The following ADK variants were observed in gnomAD, a reference collection of about 807,000 sequenced individuals.
ADK encodes N6,N6-dimethyladenosine kinase.
A neutral mutation model predicts 44.7 loss-of-function variants in ADK; 24 were observed. That is an observed-to-expected ratio of 0.54 (90% CI 0.39 to 0.76). The LOEUF is 0.76. Among genes scored for constraint, ADK ranks in the 30% least tolerant of loss-of-function variants. The pLI is 0.00. For synonymous variants in ADK, 128 were observed against 142.6 expected, an observed-to-expected ratio of 0.90 and a Z score of 0.73; for missense variants, 321 against 425.1, an observed-to-expected ratio of 0.76 and a Z score of 2.15.
intron 1 of ADK, among the ~76,000 whole-genome samples, chr10:74,185,404 A>G (rs1199456679): frequency 2.6e-5 from 4 of 152,156 alleles, no homozygotes; most frequent in Non-Finnish European, 4.4e-5. Flanking sequence ...GGAAGAAATC[A>G]ATGTTGAGTA....
At chr10:74,219,871 T>G (rs1033543763) in intron 2 of ADK, among the ~76,000 whole-genome samples, 2 of 149,678 alleles carry the variant, frequency 1.3e-5, no homozygotes, top group Non-Finnish European at 1.5e-5. Flanking sequence ...TTCAAAATAG[T>G]GTGTAGAGGG....
chr10:74,577,015 C>T lies in ADK; in HGVS notation c.727-12267C>T, dbSNP rs112627250. On this transcript the variant is annotated intron_variant, in intron 7 of 10. Transcript: ENST00000539909. Reference sequence around the variant, plus strand: ...CAGAAGTATTCAGTATCTCTTAAAACCTGTTTCTTTTCCATATAGCAGTGG... The same window carrying T: ...CAGAAGTATTCAGTATCTCTTAAAATCTGTTTCTTTTCCATATAGCAGTGG... 7.1e-3 allele frequency among the ~76,000 whole-genome samples: 1,084 copies of T among 151,816 alleles called. 7 individuals carry two copies. Among genetic ancestry groups the T allele is most frequent in the Non-Finnish European group, 0.012 (811 of 67,900 alleles).
At chr10:74,543,675 A>T (rs1849727684) in intron 7 of ADK, among the ~76,000 whole-genome samples, 1 of 152,222 alleles carries the variant, frequency 6.6e-6, no homozygotes, top group African/African-American at 2.4e-5. Context: ...GGGTTATTTT[A>T]ATATTTGGTT....
chr10:74,588,896 A>G (rs866212770), intron 7 of ADK, among the ~76,000 whole-genome samples: 3 of 152,196 alleles, frequency 2.0e-5, no homozygotes, highest in African/African-American at 7.2e-5. Flanking sequence ...GAATTTATAC[A>G]TTTATTAGCA....
intron 3 of ADK, among the ~76,000 whole-genome samples, chr10:74,263,477 A>G (rs1846113134): frequency 6.6e-6 from 1 of 152,224 alleles, no homozygotes; most frequent in South Asian, 2.1e-4. Context: ...TGTAGAACAA[A>G]CTAGCAGTAC....
chr10:74,594,401 TA>T (rs76747860), intron 8 of ADK, among the ~76,000 whole-genome samples: 25,580 of 147,204 alleles, frequency 0.17, 3,534 homozygotes, highest in East Asian at 0.63. Flanking sequence ...ACAGAAGAAA[TA>T]AAAAAAAAAT....
At chr10:74,531,986 C>CCA (rs1395254266) in intron 7 of ADK, among the ~76,000 whole-genome samples, 2 of 152,128 alleles carry the variant, frequency 1.3e-5, no homozygotes, top group Non-Finnish European at 2.9e-5. Context: ...AAACTACAGA[C>CCA]CAATATCCCT....
At chr10:74,636,580 T>A (rs1169849369) in intron 9 of ADK, among the ~76,000 whole-genome samples, 2 of 152,234 alleles carry the variant, frequency 1.3e-5, no homozygotes, top group Non-Finnish European at 2.9e-5. Flanking sequence ...GAGAGCCTAC[T>A]ATGTTCTATG....
intron 3 of ADK, among the ~76,000 whole-genome samples, chr10:74,230,974 G>A (rs1165384035): frequency 6.6e-6 from 1 of 152,030 alleles, no homozygotes; most frequent in African/African-American, 2.4e-5. Context: ...GAGCCACCGC[G>A]CCTGGCCGCC....
chr10:74,689,460 A>T (rs1163719406), intron 10 of ADK, among the ~76,000 whole-genome samples: 1 of 152,130 alleles, frequency 6.6e-6, no homozygotes, highest in Non-Finnish European at 1.5e-5. Flanking sequence ...TCCAGTCAAG[A>T]TTTCATAAAA....
chr10:74,538,255 C>CAAA (rs535509115), intron 7 of ADK, among the ~76,000 whole-genome samples: 7 of 85,252 alleles, frequency 8.2e-5, no homozygotes, highest in African/African-American at 2.7e-4. Flanking sequence ...CTCCGTCTCA[C>CAAA]AAAAAAAAAA....
intron 9 of ADK, among the ~76,000 whole-genome samples, chr10:74,668,064 G>T (rs988976805): frequency 1.3e-5 from 2 of 152,078 alleles, no homozygotes; most frequent in African/African-American, 4.8e-5. Context: ...AGACATGTTA[G>T]ATTATTACAT....
intron 6 of ADK, among the ~76,000 whole-genome samples, chr10:74,411,219 A>T (rs2132951163): frequency 6.6e-6 from 1 of 152,106 alleles, no homozygotes; most frequent in Admixed American, 6.5e-5. Flanking sequence ...ACAGAGAATA[A>T]AATGAAAAAA....
At chr10:74,705,076 A>C (rs771818946) in intron 10 of ADK, among the ~76,000 whole-genome samples, 48 of 152,228 alleles carry the variant, frequency 3.2e-4, no homozygotes, top group Non-Finnish European at 6.9e-4. Flanking sequence ...GCATTCCCCA[A>C]ATCTGACTGG....
At chr10:74,484,729 G>C (rs184303906) in intron 6 of ADK, among the ~76,000 whole-genome samples, 1 of 152,308 alleles carries the variant, frequency 6.6e-6, no homozygotes, top group East Asian at 1.9e-4. Flanking sequence ...TCGCTATTAG[G>C]ACAGTGGTAG....
rs543775227 is a variant in ADK, at chr10:74,380,479, C to T, written c.274-13662C>T. ...TATCATGAGAAGAATAGTTCTTCTCCGGGCGCAGTGGCTCACATCTGTAAT... is the reference window on the plus strand; with the variant it reads ...TATCATGAGAAGAATAGTTCTTCTCTGGGCGCAGTGGCTCACATCTGTAAT... On this transcript the variant is annotated intron_variant, in intron 4 of 10. Coordinates refer to ENST00000539909, the MANE Select transcript of ADK (RefSeq NM_006721.4). Among the ~76,000 whole-genome samples, 8 of 152,080 alleles carry T rather than the reference C, an allele frequency of 5.3e-5. No individual in the cohort carries two copies. The South Asian group carries it at 6.2e-4, about 12-fold the overall frequency.
At chr10:74,202,306 T>C (rs1015592834) in intron 2 of ADK, among the ~76,000 whole-genome samples, 9 of 152,238 alleles carry the variant, frequency 5.9e-5, no homozygotes, top group African/African-American at 2.2e-4. Context: ...TCATTCCTTT[T>C]AATAGTGGAC....
intron 3 of ADK, among the ~76,000 whole-genome samples, chr10:74,303,584 T>G (rs1268825808): frequency 8.8e-6 from 1 of 113,740 alleles, no homozygotes; most frequent in African/African-American, 3.0e-5. Flanking sequence ...TTGGTTTTAA[T>G]GTTGTTTTTT....
intron 9 of ADK, among the ~76,000 whole-genome samples, chr10:74,633,854 GT>G (rs1484239388): frequency 1.2e-4 from 19 of 152,336 alleles, no homozygotes; most frequent in Admixed American, 9.2e-4. Context: ...ATGCCTAAAA[GT>G]TGGTAGAAAA....
Sources: gnomAD v4.1 joint callset for allele counts (sites outside exome capture counted in the v4.1 genomes callset) on GRCh38, gnomAD v4.1.1 for gene constraint, MANE v1.5 for transcripts, NCBI Gene and HGNC (gene_info 2026-07-23, HGNC 2026-07-21) for gene names.